Variants in GPRC6A observed in about 807,000 individuals in gnomAD.
GPRC6A encodes G protein-coupled receptor family C group 6 member A.
In GPRC6A, 54 loss-of-function variants were observed where a neutral mutation model predicts 47.0. That is an observed-to-expected ratio of 1.15 (90% CI 0.92 to 1.44). GPRC6A has a LOEUF of 1.44. GPRC6A is among the 40% of genes most tolerant of loss of function. The probability of loss-of-function intolerance (pLI) is 0.00; values close to 1 mark genes in which losing one functional copy is unlikely to be tolerated. For synonymous variants in GPRC6A, 347 were observed against 377.1 expected (o/e 0.92, Z 0.93); for missense variants, 1,112 against 1,105.5 (o/e 1.01, Z -0.08).
chr6:116,796,965 G>C (rs574028922), intron 4 of GPRC6A, among the ~76,000 whole-genome samples: 1 of 152,086 alleles, frequency 6.6e-6, no homozygotes, highest in African/African-American at 2.4e-5. Context: ...TATGTGCCAT[G>C]CTGGTGCGCT....
intron 1 of GPRC6A, among the ~76,000 whole-genome samples, chr6:116,814,734 C>T (rs562414156): frequency 6.6e-6 from 1 of 151,268 alleles, no homozygotes. Context: ...CACATGTACC[C>T]TAGAAATTAA....
At chr6:116,816,378 C>T (rs11753426) in intron 1 of GPRC6A, among the ~76,000 whole-genome samples, 37,732 of 152,146 alleles carry the variant, frequency 0.25, 5,192 homozygotes, top group Non-Finnish European at 0.31. Context: ...AACCCAGCAG[C>T]GCAATCATTA....
At chr6:116,819,005 G>A (rs1168726341) in intron 1 of GPRC6A, among the ~76,000 whole-genome samples, 1 of 152,070 alleles carries the variant, frequency 6.6e-6, no homozygotes, top group Non-Finnish European at 1.5e-5. Flanking sequence ...ATAAAAGGAT[G>A]GACGAAGATC....
chr6:116,792,656 A>G lies in GPRC6A; in HGVS notation c.2267T>C (p.Leu756Pro), dbSNP rs778069644. The G allele has an allele frequency of 6.2e-7, 1 of 1,613,610 alleles. No individual in the cohort carries two copies. The highest frequency in any genetic ancestry group is 1.1e-5 in the South Asian group (1 of 91,052). ...EGSILAFGTM[L>P]GYIAILAFIC... Reference sequence around the variant, plus strand: ...GAAGGCCAGGATGGCAATGTAGCCCAGCATGGTGCCAAATGCAAGTATGGA... The same window carrying G: ...GAAGGCCAGGATGGCAATGTAGCCCGGCATGGTGCCAAATGCAAGTATGGA... The change falls in exon 6 of 6, where the codon CTG becomes CCG. Residue 756 changes from leucine (L) to proline (P), a missense_variant. Leu to Pro is a moderately conservative substitution (Grantham distance 98). Coordinates refer to ENST00000310357, the MANE Select transcript of GPRC6A (RefSeq NM_148963.4).
At chr6:116,827,595 G>A (rs1289548361) in intron 1 of GPRC6A, among the ~76,000 whole-genome samples, 1 of 151,864 alleles carries the variant, frequency 6.6e-6, no homozygotes, top group Non-Finnish European at 1.5e-5. Context: ...TCAACGGAGT[G>A]ATTTTTTAAA....
At chr6:116,826,088 A>G (rs901069028) in intron 1 of GPRC6A, among the ~76,000 whole-genome samples, 1 of 151,880 alleles carries the variant, frequency 6.6e-6, no homozygotes, top group Non-Finnish European at 1.5e-5. Context: ...TTACAAAACT[A>G]TTAGAGGAAA....
intron 3 of GPRC6A, among the ~76,000 whole-genome samples, chr6:116,801,063 C>T (rs938469686): frequency 3.3e-5 from 5 of 152,058 alleles, no homozygotes; most frequent in African/African-American, 7.2e-5. Flanking sequence ...TAAGTATCTT[C>T]GTTTATCCTA....
Position 116,806,748 on chromosome 6 carries a change from C to T in GPRC6A, c.957G>A (p.Lys319=). ...AGGCAAACCCTACAACTTTGCCAAT[C>T]TTTTTAACATTAGGAATGGTGGTAA... ...TKITTIPNVK[K]IGKVVGFAFR... is the part of the protein sequence containing the mutation. Residue 319 remains lysine, a synonymous_variant, in exon 3 of 6, where the codon AAG becomes AAA. Coordinates refer to ENST00000310357, the MANE Select transcript of GPRC6A (RefSeq NM_148963.4). 1 of 1,613,584 alleles carries T rather than the reference C, an allele frequency of 6.2e-7. No homozygotes were observed. The highest frequency in any genetic ancestry group is 8.5e-7 in the Non-Finnish European group (1 of 1,179,728).
At chr6:116,815,361 T>G (rs1773172897) in intron 1 of GPRC6A, among the ~76,000 whole-genome samples, 1 of 152,196 alleles carries the variant, frequency 6.6e-6, no homozygotes, top group Admixed American at 6.5e-5. Context: ...TACACACCTG[T>G]GATCCCAGCT....
rs1554263527 is a variant in GPRC6A, at chr6:116,818,532, T to TCAAAAAAAA, written c.195-8916_195-8915insTTTTTTTTG. Reference sequence around the variant, plus strand: ...CTGGGCGACAGAGCGAGACTCCGTCTAAAAAAAAAAAAAAAAAAAAAAAAA... The same window carrying TCAAAAAAAA: ...CTGGGCGACAGAGCGAGACTCCGTCTCAAAAAAAAAAAAAAAAAAAAAAAAAAAAAAAAA... On this transcript the variant is annotated intron_variant, in intron 1 of 5. Transcript: ENST00000310357. Among the ~76,000 whole-genome samples the TCAAAAAAAA allele has an allele frequency of 3.7e-3, 58 of 15,508 alleles. 23 individuals carry two copies. Among genetic ancestry groups the TCAAAAAAAA allele is most frequent in the Non-Finnish European group, 6.3e-3 (37 of 5,892 alleles). 10.2% of individuals were successfully genotyped at this position (15,508 alleles called of 152,430 possible). A position where few individuals can be genotyped will look rare whatever the true frequency, so the allele number is the denominator to read the frequency against.
At chr6:116,800,125 G>A (rs914238188) in intron 4 of GPRC6A, among the ~76,000 whole-genome samples, 1 of 152,096 alleles carries the variant, frequency 6.6e-6, no homozygotes, top group African/African-American at 2.4e-5. Context: ...GCAGCATTAA[G>A]AGCCCACTGG....
At chr6:116,808,067 T>A (rs539558588) in intron 2 of GPRC6A, among the ~76,000 whole-genome samples, 1 of 152,146 alleles carries the variant, frequency 6.6e-6, no homozygotes, top group African/African-American at 2.4e-5. Context: ...GGGAACCAGA[T>A]AAACTGTTAG....
intron 4 of GPRC6A, among the ~76,000 whole-genome samples, chr6:116,799,175 T>A (rs1363292974): frequency 6.6e-6 from 1 of 152,180 alleles, no homozygotes; most frequent in Non-Finnish European, 1.5e-5. Flanking sequence ...GAGATTTAAG[T>A]TGACTGCTAC....
chr6:116,818,086 C>T (rs1427786705), intron 1 of GPRC6A, among the ~76,000 whole-genome samples: 3 of 152,130 alleles, frequency 2.0e-5, no homozygotes, highest in African/African-American at 7.2e-5. Context: ...TTGTCAGATT[C>T]ACCAAAGTTG....
In GPRC6A at chr6:116,808,498, T is replaced by C. The variant is rs140493101; in HGVS notation, c.498+816A>G. Among the ~76,000 whole-genome samples, 306 of 152,272 alleles carry C rather than the reference T, an allele frequency of 2.0e-3. 1 individual carries two copies. Among genetic ancestry groups the C allele is most frequent in the African/African-American group, 6.1e-3 (255 of 41,572 alleles). On this transcript the variant is annotated intron_variant, in intron 2 of 5. Transcript: ENST00000310357. ...TGGATTAAATTTTTTATTACCGATGTCACTAGGCTATAATATAATGGAATG... is the reference window on the plus strand; with the variant it reads ...TGGATTAAATTTTTTATTACCGATGCCACTAGGCTATAATATAATGGAATG...
intron 3 of GPRC6A, among the ~76,000 whole-genome samples, chr6:116,804,119 A>G (rs887900872): frequency 6.6e-6 from 1 of 152,050 alleles, no homozygotes; most frequent in Non-Finnish European, 1.5e-5. Context: ...ACTACCTTAT[A>G]TATCATCAGA....
In GPRC6A at chr6:116,800,480, TTG is replaced by T; in HGVS notation, c.1548+102_1548+103del. The T allele has an allele frequency of 1.2e-5, 9 of 732,412 alleles. 1 individual carries two copies. The highest frequency in any genetic ancestry group is 2.2e-5 in the Non-Finnish European group (9 of 400,980). 45.4% of individuals were successfully genotyped at this position (732,412 alleles called of 1,614,324 possible). On this transcript the variant is annotated intron_variant, in intron 4 of 5. Coordinates refer to ENST00000310357, the MANE Select transcript of GPRC6A (RefSeq NM_148963.4). ...TAGGCAGAAACTTGATTAACAGGGA[TTG>T]TGTTTGGCCAGATGAGTATGATGAA...
At chr6:116,795,894 C>T (rs1420400627) in intron 4 of GPRC6A, 59 bp from the exon 5 acceptor site, 4 of 1,145,666 alleles carry the variant, frequency 3.5e-6, no homozygotes, top group Admixed American at 4.3e-5. Context: ...TTATCCTAAT[C>T]GATTATCCTC....
At chr6:116,823,134 T>G (rs948820925) in intron 1 of GPRC6A, among the ~76,000 whole-genome samples, 2 of 152,116 alleles carry the variant, frequency 1.3e-5, no homozygotes, top group African/African-American at 4.8e-5. Context: ...AACACATGGC[T>G]GGGCTGCAAA....
Sources: allele counts gnomAD v4.1 joint callset (sites outside exome capture counted in the v4.1 genomes callset), GRCh38; gene constraint gnomAD v4.1.1; transcripts MANE v1.5; gene names NCBI Gene and HGNC (gene_info 2026-07-23, HGNC 2026-07-21).